LPIN1: variants seen among roughly 807,000 people sequenced by gnomAD.
LPIN1 encodes phosphatidate phosphatase LPIN1.
Under a neutral mutation model 107.5 loss-of-function variants are expected in LPIN1, and 71 were observed. That is an observed-to-expected ratio of 0.66 (90% CI 0.55 to 0.80). The LOEUF (loss-of-function observed/expected upper bound fraction) is 0.80, where lower values mean the gene tolerates loss of function less well. LPIN1 is among the 30% of genes least tolerant of loss of function. The probability of loss-of-function intolerance (pLI) is 0.00; values close to 1 mark genes in which losing one functional copy is unlikely to be tolerated. For synonymous variants in LPIN1, 445 were observed against 452.6 expected (o/e 0.98, Z 0.21); for missense variants, 1,043 against 1,160.6 (o/e 0.90, Z 1.47).
chr2:11,800,892 C>T (rs1456616200), intron 14 of LPIN1, among the ~76,000 whole-genome samples: 2 of 152,106 alleles, frequency 1.3e-5, no homozygotes, highest in African/African-American at 4.8e-5. Flanking sequence ...GGGTATCAGC[C>T]CCTTTTTGAA....
At chr2:11,783,544 C>T (rs1673933519) in intron 8 of LPIN1, among the ~76,000 whole-genome samples, 1 of 152,132 alleles carries the variant, frequency 6.6e-6, no homozygotes, top group African/African-American at 2.4e-5. Context: ...ACAAGTGTGA[C>T]CTCAATCCAC....
At chr2:11,726,401 G>A (rs924692680) in intron 1 of LPIN1, among the ~76,000 whole-genome samples, 10 of 152,050 alleles carry the variant, frequency 6.6e-5, no homozygotes, top group African/African-American at 2.2e-4. Context: ...TCCTAAACAC[G>A]TTTTGAACTT....
At chr2:11,772,973 G>T (rs969634592) in intron 4 of LPIN1, among the ~76,000 whole-genome samples, 1 of 152,172 alleles carries the variant, frequency 6.6e-6, no homozygotes, top group African/African-American at 2.4e-5. Context: ...GCGTCATTGG[G>T]CTTCTTATAA....
intron 11 of LPIN1, among the ~76,000 whole-genome samples, chr2:11,787,952 A>G (rs1369552235): frequency 1.3e-5 from 2 of 152,090 alleles, no homozygotes; most frequent in Non-Finnish European, 1.5e-5. Context: ...AAAAAAAAAA[A>G]AAAGAAAAGA....
chr2:11,820,206 C>T (rs1275164243), intron 19 of LPIN1, among the ~76,000 whole-genome samples: 1 of 152,156 alleles, frequency 6.6e-6, no homozygotes, highest in African/African-American at 2.4e-5. Flanking sequence ...CAACTCAGTC[C>T]TTGAACAGAT....
intron 6 of LPIN1, 145 bp from the exon 7 acceptor site, chr2:11,779,374 A>C: frequency 1.2e-6 from 1 of 858,420 alleles, no homozygotes; most frequent in Non-Finnish European, 1.9e-6. Flanking sequence ...TGGTGGCCGG[A>C]GGAGGGATTT....
At chr2:11,808,255 C>A (rs1345252068) in intron 17 of LPIN1, among the ~76,000 whole-genome samples, 2 of 152,138 alleles carry the variant, frequency 1.3e-5, no homozygotes, top group African/African-American at 4.8e-5. Flanking sequence ...ACGATGGCAG[C>A]CTCCAGAGCC....
intron 1 of LPIN1, among the ~76,000 whole-genome samples, chr2:11,691,623 T>A (rs978699359): frequency 2.0e-5 from 3 of 152,210 alleles, no homozygotes; most frequent in Admixed American, 2.0e-4. Flanking sequence ...TATGTCATAT[T>A]TGCTTATCCA....
At chr2:11,752,106 A>G (rs1667887470) in intron 1 of LPIN1, among the ~76,000 whole-genome samples, 1 of 152,200 alleles carries the variant, frequency 6.6e-6, no homozygotes, top group African/African-American at 2.4e-5. Flanking sequence ...CTGTTTTTGT[A>G]CACGGATCTT....
At chr2:11,779,437 T>A in intron 6 of LPIN1, 82 bp from the exon 7 acceptor site, 1 of 1,450,944 alleles carries the variant, frequency 6.9e-7, no homozygotes, top group Non-Finnish European at 9.6e-7. Flanking sequence ...TTTTCTGGGC[T>A]ATTTGAGCCA....
At chr2:11,812,247 A>C (rs1433539557) in intron 17 of LPIN1, among the ~76,000 whole-genome samples, 1 of 151,834 alleles carries the variant, frequency 6.6e-6, no homozygotes, top group African/African-American at 2.4e-5. Context: ...CTACATGCCA[A>C]GCACTGTTTT....
At chr2:11,719,399 C>A (rs920355719), upstream of LPIN1, among the ~76,000 whole-genome samples, 28 of 152,188 alleles carry the variant, frequency 1.8e-4, no homozygotes, top group South Asian at 4.1e-4. Context: ...GAGGCCAGTG[C>A]CTGCTTGAGT....
chr2:11,778,781 A>T (rs990720206), intron 6 of LPIN1, among the ~76,000 whole-genome samples: 1 of 152,230 alleles, frequency 6.6e-6, no homozygotes, highest in African/African-American at 2.4e-5. Context: ...GATCTTGTGG[A>T]TAAGTTAATG....
chr2:11,732,724 A>G (rs1665362371), intron 1 of LPIN1, among the ~76,000 whole-genome samples: 1 of 152,230 alleles, frequency 6.6e-6, no homozygotes, highest in Admixed American at 6.5e-5. Flanking sequence ...GTCTTGTGCC[A>G]CATTACACTG....
At chr2:11,696,598 G>A (rs775199227) in intron 1 of LPIN1, among the ~76,000 whole-genome samples, 8 of 152,186 alleles carry the variant, frequency 5.3e-5, no homozygotes, top group Non-Finnish European at 1.0e-4. Flanking sequence ...GATGGCTGGC[G>A]AGCAAGGTGT....
At chr2:11,751,156 T>G (rs1045065357) in intron 1 of LPIN1, among the ~76,000 whole-genome samples, 8 of 152,202 alleles carry the variant, frequency 5.3e-5, no homozygotes, top group African/African-American at 1.9e-4. Context: ...AGAACAAGCG[T>G]CACCTGGGGT....
intron 13 of LPIN1, among the ~76,000 whole-genome samples, chr2:11,792,920 C>G (rs1452434649): frequency 1.3e-5 from 2 of 152,184 alleles, no homozygotes; most frequent in Non-Finnish European, 2.9e-5. Context: ...CCTGCTCTGG[C>G]TTAGTCACCT....
At chr2:11,780,308 T>G (rs1673375655) in intron 7 of LPIN1, among the ~76,000 whole-genome samples, 1 of 152,216 alleles carries the variant, frequency 6.6e-6, no homozygotes, top group South Asian at 2.1e-4. Context: ...AGGTCATTGA[T>G]GAGTGGAGCA....
At chr2:11,706,561 G>A (rs1381569214) in intron 1 of LPIN1, among the ~76,000 whole-genome samples, 1 of 152,226 alleles carries the variant, frequency 6.6e-6, no homozygotes. Context: ...TGGGAAGATG[G>A]AGGAAGTACT....
Sources: gnomAD v4.1 joint callset for allele counts (sites outside exome capture counted in the v4.1 genomes callset) on GRCh38, gnomAD v4.1.1 for gene constraint, MANE v1.5 for transcripts, NCBI Gene and HGNC (gene_info 2026-07-23, HGNC 2026-07-21) for gene names.